Variants in KCNG1 observed in about 807,000 individuals in gnomAD.
KCNG1 encodes the protein voltage-gated potassium channel regulatory subunit KCNG1.
A neutral mutation model predicts 32.4 loss-of-function variants in KCNG1; 17 were observed. That is an observed-to-expected ratio of 0.52 (90% CI 0.36 to 0.79). The LOEUF (loss-of-function observed/expected upper bound fraction) is 0.79. KCNG1 is among the 30% of genes least tolerant of loss of function. The probability of loss-of-function intolerance (pLI) is 0.00; values close to 1 mark genes in which losing one functional copy is unlikely to be tolerated. For missense variants in KCNG1, 441 were observed against 735.2 expected, an observed-to-expected ratio of 0.60 and a Z score of 4.63; for synonymous variants, 358 against 339.9, an observed-to-expected ratio of 1.05 and a Z score of -0.59.
chr20:51,010,123 G>A lies in KCNG1; in HGVS notation c.216C>T (p.Ile72=), dbSNP rs749673770. ...GCGTGGTCCAGGGCAGCGAGTACTT[G>A]ATGCCGCCTACGTTGATGATGATCC... ...RRRIIINVGG[I]KYSLPWTTLD... The change falls in exon 2 of 3, where the codon ATC becomes ATT. Residue 72 remains isoleucine, a synonymous_variant. Transcript: ENST00000371571. 56 of 1,613,654 alleles carry A rather than the reference G, an allele frequency of 3.5e-5. No individual in the cohort carries two copies. Among genetic ancestry groups the A allele is most frequent in the South Asian group, 1.6e-4 (15 of 91,086 alleles).
intron 1 of KCNG1, among the ~76,000 whole-genome samples, chr20:51,018,486 C>A (rs556356889): frequency 6.6e-6 from 1 of 152,302 alleles, no homozygotes; most frequent in African/African-American, 2.4e-5. Flanking sequence ...GGGGTTCCAA[C>A]AAGCTGCGGG....
At position 51,005,017 on chromosome 20, in the gene KCNG1, AG is replaced by A. The variant is rs2123207049; in HGVS notation, c.775-212del. On this transcript the variant is annotated intron_variant, in intron 2 of 2. Coordinates refer to ENST00000371571, the MANE Select transcript of KCNG1 (RefSeq NM_002237.4). The surrounding 1 kb of genome is among the most constrained non-coding windows in gnomAD (Gnocchi z 4.0). The stretch of plus-strand genomic sequence containing the variant: ...CTGGCCGCTCCTCATCTCTCTCTCC[AG>A]CCCCCACCTCAGCCCTGAACTCCAG... 4 of 477,938 alleles carry A rather than the reference AG, an allele frequency of 8.4e-6. No individual in the cohort carries two copies. Among genetic ancestry groups the A allele is most frequent in the Non-Finnish European group, 1.5e-5 (4 of 275,706 alleles). The allele number at this position is 477,938 out of a possible 1,614,324, so 29.6% of individuals were successfully genotyped here.
In KCNG1 at chr20:51,009,586, G is replaced by C. The variant is rs747958864; in HGVS notation, c.753C>G (p.Ser251Arg). Reference protein sequence around the residue: ...AVNLSVSTLPSLREEEEQGHC... With the variant: ...AVNLSVSTLPRLREEEEQGHC... Reference sequence around the variant, plus strand: ...TTACCTGCTCCTCCTCCTCCCTCAGGCTGGGCAAGGTGCTGACGGAGAGGT... The same window carrying C: ...TTACCTGCTCCTCCTCCTCCCTCAGCCTGGGCAAGGTGCTGACGGAGAGGT... The change falls in exon 2 of 3, where the codon AGC becomes AGG. Residue 251 changes from serine (S) to arginine (R), a missense_variant. Ser to Arg is a moderately radical substitution (Grantham distance 110, BLOSUM62 -1). Transcript: ENST00000371571. The C allele has an allele frequency of 1.2e-6, 2 of 1,607,238 alleles. No homozygotes were observed. Among genetic ancestry groups the C allele is most frequent in the Non-Finnish European group, 1.7e-6 (2 of 1,177,846 alleles).
At position 51,004,003 on chromosome 20, in the gene KCNG1, C is replaced by A; in HGVS notation, c.*36G>T. 6.3e-7 allele frequency: 1 copy of A among 1,593,686 alleles called. No homozygotes were observed. ...GCAGTGGATGGCAATGGCTTCGGGC[C>A]ACAGATGGCAGGCAGGGCAGGCGTG... is the stretch of plus-strand genomic sequence containing the variant. On this transcript the variant is annotated 3_prime_UTR_variant, in exon 3 of 3. Transcript: ENST00000371571. The surrounding 1 kb of genome is among the most constrained non-coding windows in gnomAD (Gnocchi z 4.3).
At chr20:51,012,430 C>T (rs529067229) in intron 1 of KCNG1, 4 of 152,396 alleles carry the variant, frequency 2.6e-5, no homozygotes, top group South Asian at 2.1e-4. Flanking sequence ...GGGGAAGAAA[C>T]GTGCTTTAGT....
chr20:51,009,230 C>T (rs565302051), intron 2 of KCNG1, among the ~76,000 whole-genome samples: 5 of 152,272 alleles, frequency 3.3e-5, no homozygotes, highest in Admixed American at 1.3e-4. Flanking sequence ...GGGCCAGGCA[C>T]GTCAAAAATC....
In KCNG1 at chr20:51,003,762, T is replaced by G; in HGVS notation, c.*277A>C. 1 of 364,890 alleles carries G rather than the reference T, an allele frequency of 2.7e-6. No homozygotes were observed. Among genetic ancestry groups the G allele is most frequent in the African/African-American group, 2.1e-5 (1 of 48,200 alleles). The allele number at this position is 364,890 out of a possible 1,614,324, so 22.6% of individuals were successfully genotyped here. On this transcript the variant is annotated 3_prime_UTR_variant, in exon 3 of 3. Transcript: ENST00000371571. ...ATGGTGAAAAGAACAAGGCATCTCCTTATTGAGGGAAACACACATAGGGGC... is the reference window on the plus strand; with the variant it reads ...ATGGTGAAAAGAACAAGGCATCTCCGTATTGAGGGAAACACACATAGGGGC...
At chr20:51,011,752 T>A in intron 1 of KCNG1, among the ~76,000 whole-genome samples, 1 of 152,216 alleles carries the variant, frequency 6.6e-6, no homozygotes, top group East Asian at 1.9e-4. Flanking sequence ...TAGGAGCATT[T>A]AATGCAGTGC....
intron 2 of KCNG1, among the ~76,000 whole-genome samples, chr20:51,008,817 G>A (rs1281572920): frequency 2.0e-5 from 3 of 152,120 alleles, no homozygotes; most frequent in Non-Finnish European, 4.4e-5. Context: ...TGCTTACAAA[G>A]ACAGACTGGA....
At position 51,003,807 on chromosome 20, in the gene KCNG1, C is replaced by G; in HGVS notation, c.*232G>C. The G allele has an allele frequency of 1.9e-6, 1 of 538,992 alleles. No individual in the cohort carries two copies. The highest frequency in any genetic ancestry group is 3.3e-6 in the Non-Finnish European group (1 of 303,214). The allele number at this position is 538,992 out of a possible 1,614,324, so 33.4% of individuals were successfully genotyped here. ...AGGGGCTGGGGTGGGCGGGGCTGGG[C>G]TGATGACCCAGCTTCCTTTCACGGC... On this transcript the variant is annotated 3_prime_UTR_variant, in exon 3 of 3. Coordinates refer to ENST00000371571, the MANE Select transcript of KCNG1 (RefSeq NM_002237.4).
intron 2 of KCNG1, 69 bp downstream of exon 2, chr20:51,009,496 A>G (rs983177312): frequency 2.5e-5 from 36 of 1,466,360 alleles, no homozygotes; most frequent in Non-Finnish European, 3.3e-5. Flanking sequence ...GGCTTTCTGG[A>G]GGAGGTGACA....
Position 51,009,928 on chromosome 20 carries a change from C to T in KCNG1, c.411G>A (p.Arg137=). The change falls in exon 2 of 3, where the codon CGG becomes CGA. Residue 137 remains arginine, a synonymous_variant. Transcript: ENST00000371571. ...ACAGCGCGCACATCTCGCGCAGCAG[C>T]CGCAGCTTGCCCGCGCGCAGGAAGG... ...ILTFLRAGKL[R]LLREMCALSF... 1 of 1,613,850 alleles carries T rather than the reference C, an allele frequency of 6.2e-7. No individual in the cohort carries two copies. The highest frequency in any genetic ancestry group is 1.1e-5 in the South Asian group (1 of 91,086).
At position 51,015,657 on chromosome 20, in the gene KCNG1, C is replaced by T. The variant is rs1055627136; in HGVS notation, c.-26-5293G>A. Among the ~76,000 whole-genome samples, 2 of 152,176 alleles carry T rather than the reference C, an allele frequency of 1.3e-5. No homozygotes were observed. The highest frequency in any genetic ancestry group is 4.8e-5 in the African/African-American group (2 of 41,430). ...GGCATATGGTAGGCAGAAAAATGTC[C>T]CCACATTCCCCTAGATGCCCACGTC... On this transcript the variant is annotated intron_variant, in intron 1 of 2. Coordinates refer to ENST00000371571, the MANE Select transcript of KCNG1 (RefSeq NM_002237.4). This position sits in a 1 kb window ranked among gnomAD's most constrained non-coding sequence, Gnocchi z 4.4.
Position 51,010,178 on chromosome 20 carries a change from T to C in KCNG1, c.161A>G (p.Gln54Arg), listed in dbSNP as rs1227406111. The change falls in exon 2 of 3, where the codon CAG (glutamine) becomes CGG (arginine). Residue 54 changes from glutamine (Q) to arginine (R), a missense_variant. Physicochemically the swap from Gln to Arg is conservative, Grantham distance 43. This residue lies in a region of KCNG1 where 85 missense variants were observed against 98.2 expected (regional missense o/e 0.87). Coordinates refer to ENST00000371571, the MANE Select transcript of KCNG1 (RefSeq NM_002237.4). ...GCGGCGGTCCTCGGGCTGACAGCCC[T>C]GGCGGGGCTCATCCTGCGGCCGCAG... ...QRLRPQDEPRQGCQPEDRRRR... is the reference protein window; with the variant it reads ...QRLRPQDEPRRGCQPEDRRRR... The C allele has an allele frequency of 1.9e-6, 3 of 1,604,562 alleles. No individual in the cohort carries two copies. The highest frequency in any genetic ancestry group is 1.1e-5 in the South Asian group (1 of 90,854).
chr20:51,010,174 G>A lies in KCNG1; in HGVS notation c.165C>T (p.Gly55=), dbSNP rs374169800. The change falls in exon 2 of 3, where the codon GGC becomes GGT. Residue 55 remains glycine, a synonymous_variant. Transcript: ENST00000371571. ...GACGGCGGCGGTCCTCGGGCTGACA[G>A]CCCTGGCGGGGCTCATCCTGCGGCC... is the stretch of plus-strand genomic sequence containing the variant. ...RLRPQDEPRQ[G]CQPEDRRRRI... 1.4e-5 allele frequency: 23 copies of A among 1,605,884 alleles called. No homozygotes were observed. Among genetic ancestry groups the A allele is most frequent in the Non-Finnish European group, 1.8e-5 (21 of 1,176,356 alleles).
Position 51,003,863 on chromosome 20 carries a change from A to C in KCNG1, c.*176T>G. The stretch of plus-strand genomic sequence containing the variant: ...GCGGAGGGGCAGGGCCCCTCTGCTG[A>C]TGTTCTAGTGTTCTTCCCGGGGTGT... On this transcript the variant is annotated 3_prime_UTR_variant, in exon 3 of 3. Transcript: ENST00000371571. 4.5e-6 allele frequency: 3 copies of C among 664,712 alleles called. No homozygotes were observed. The highest frequency in any genetic ancestry group is 3.6e-5 in the African/African-American group (2 of 54,954). The allele number at this position is 664,712 out of a possible 1,614,324, so 41.2% of individuals were successfully genotyped here. A position where few individuals can be genotyped will look rare whatever the true frequency, so the allele number is the denominator to read the frequency against.
chr20:51,018,415 G>T (rs896052152), intron 1 of KCNG1, among the ~76,000 whole-genome samples: 7 of 152,148 alleles, frequency 4.6e-5, no homozygotes, highest in African/African-American at 1.7e-4. Context: ...TTCCATCAGG[G>T]GCATGAAATG....
In KCNG1 at chr20:51,015,679, C is replaced by T. The variant is rs761415226; in HGVS notation, c.-26-5315G>A. Among the ~76,000 whole-genome samples, 2 of 152,144 alleles carry T rather than the reference C, an allele frequency of 1.3e-5. No homozygotes were observed. The highest frequency in any genetic ancestry group is 6.5e-5 in the Admixed American group (1 of 15,280). On this transcript the variant is annotated intron_variant, in intron 1 of 2. Transcript: ENST00000371571. This position sits in a 1 kb window ranked among gnomAD's most constrained non-coding sequence, Gnocchi z 4.4. ...GTCCCCACATTCCCCTAGATGCCCA[C>T]GTCCTAATCCTAATCCCTGGAAGCT...
In KCNG1 at chr20:51,015,998, C is replaced by A. The variant is rs1376577424; in HGVS notation, c.-26-5634G>T. 6.6e-6 allele frequency among the ~76,000 whole-genome samples: 1 copy of A among 152,174 alleles called. No individual in the cohort carries two copies. Among genetic ancestry groups the A allele is most frequent in the Non-Finnish European group, 1.5e-5 (1 of 68,038 alleles). The stretch of plus-strand genomic sequence containing the variant: ...CAGGAAATGAGCTCCCTGGAGCCTG[C>A]AGAAAGGAGCACAGCCTTGCCAATA... On this transcript the variant is annotated intron_variant, in intron 1 of 2. Transcript: ENST00000371571. The surrounding 1 kb of genome is among the most constrained non-coding windows in gnomAD (Gnocchi z 4.4).
Sources: allele counts gnomAD v4.1 joint callset (sites outside exome capture counted in the v4.1 genomes callset), GRCh38; gene constraint gnomAD v4.1.1; regional missense constraint gnomAD v4.1.1; non-coding constraint Gnocchi (gnomAD v3.1); transcripts MANE v1.5; gene names NCBI Gene and HGNC (gene_info 2026-07-23, HGNC 2026-07-21).